BICRA: variants seen among roughly 807,000 people sequenced by gnomAD.
BICRA encodes the protein BRD4 interacting chromatin remodeling complex associated protein.
In BICRA, 31 loss-of-function variants were observed where a neutral mutation model predicts 96.9. That is an observed-to-expected ratio of 0.32 (90% confidence interval 0.24 to 0.43). The LOEUF is 0.43. BICRA is among the 20% of genes least tolerant of loss of function. The probability of loss-of-function intolerance (pLI) is 1.00; values close to 1 mark genes in which losing one functional copy is unlikely to be tolerated. For synonymous variants in BICRA, 1,350 were observed against 1,071.8 expected (o/e 1.26, Z -5.07); for missense variants, 2,283 against 2,190.3 (o/e 1.04, Z -0.84).
intron 1 of BICRA, among the ~76,000 whole-genome samples, chr19:47,612,738 G>C (rs1361548666): frequency 1.3e-5 from 2 of 152,118 alleles, no homozygotes; most frequent in African/African-American, 2.4e-5. Flanking sequence ...GAGGCCAGGG[G>C]AAGCATGTTC....
chr19:47,699,255 C>A lies in BICRA; in HGVS notation c.3493-48C>A. 8.9e-7 allele frequency: 1 copy of A among 1,117,368 alleles called. No homozygotes were observed. Among genetic ancestry groups the A allele is most frequent in the Non-Finnish European group, 1.3e-6 (1 of 750,532 alleles). 69.2% of individuals were successfully genotyped at this position (1,117,368 alleles called of 1,614,324 possible). On this transcript the variant is annotated intron_variant, in intron 13 of 14. Coordinates refer to ENST00000594866, the MANE Select transcript of BICRA (RefSeq NM_001394372.1). This position sits in a 1 kb window ranked among gnomAD's most constrained non-coding sequence, Gnocchi z 5.0. The stretch of plus-strand genomic sequence containing the variant: ...ATCGTCCCCGTCGCTCGCGCCCCTT[C>A]CCCCTTCTTGCTGGTTCACTCGCAC...
intron 1 of BICRA, among the ~76,000 whole-genome samples, chr19:47,659,493 G>T (rs10518277): frequency 6.6e-6 from 1 of 152,004 alleles, no homozygotes. Flanking sequence ...TGCTTTGTCC[G>T]AGAGGGCATG....
chr19:47,699,185 G>T lies in BICRA; in HGVS notation c.3493-118G>T. 4.5e-6 allele frequency: 4 copies of T among 893,798 alleles called. No individual in the cohort carries two copies. Among genetic ancestry groups the T allele is most frequent in the Non-Finnish European group, 7.2e-6 (4 of 553,270 alleles). The allele number at this position is 893,798 out of a possible 1,614,324, so 55.4% of individuals were successfully genotyped here. ...CTAGCCCCGGGAGGGAGGTTGGGAG[G>T]GAGGCGGGAGCTCCCATCACAAGGA... On this transcript the variant is annotated intron_variant, in intron 13 of 14. Coordinates refer to ENST00000594866, the MANE Select transcript of BICRA (RefSeq NM_001394372.1). The surrounding 1 kb of genome is among the most constrained non-coding windows in gnomAD (Gnocchi z 5.0).
chr19:47,670,758 C>T (rs1972850521), intron 2 of BICRA, among the ~76,000 whole-genome samples: 1 of 152,246 alleles, frequency 6.6e-6, no homozygotes, highest in African/African-American at 2.4e-5. Flanking sequence ...CAAAATCTTT[C>T]TCTCTGCCCC....
intron 1 of BICRA, among the ~76,000 whole-genome samples, chr19:47,654,358 T>C (rs184801928): frequency 6.6e-6 from 1 of 152,128 alleles, no homozygotes; most frequent in African/African-American, 2.4e-5. Context: ...TTCCCCTGTT[T>C]AGAGAAACTG....
chr19:47,699,405 GGTGAGAGGGGGGA>G lies in BICRA; in HGVS notation c.3595+11_3595+23del, dbSNP rs1385924474. The G allele has an allele frequency of 8.5e-6, 13 of 1,526,970 alleles. No individual in the cohort carries two copies. The highest frequency in any genetic ancestry group is 1.7e-4 in the Middle Eastern group (1 of 5,974). The allele number at this position is 1,526,970 out of a possible 1,614,324, so 94.6% of individuals were successfully genotyped here. A position where few individuals can be genotyped will look rare whatever the true frequency, so the allele number is the denominator to read the frequency against. ...TAAACAGCTGGCCAAGGAGAAGCCGGGTGAGAGGGGGGAGTGAGAGGGGAGGGGAGGGAGAGGT... is the reference window on the plus strand; with the variant it reads ...TAAACAGCTGGCCAAGGAGAAGCCGGGTGAGAGGGGAGGGGAGGGAGAGGT... On this transcript the variant is annotated splice_donor_variant and splice_donor_5th_base_variant and intron_variant, in intron 14 of 14. Coordinates refer to ENST00000594866, the MANE Select transcript of BICRA (RefSeq NM_001394372.1). LOFTEE classifies it high-confidence loss of function. The surrounding 1 kb of genome is among the most constrained non-coding windows in gnomAD (Gnocchi z 5.0).
intron 1 of BICRA, among the ~76,000 whole-genome samples, chr19:47,621,776 A>G (rs1237718932): frequency 6.7e-6 from 1 of 148,424 alleles, no homozygotes; most frequent in Non-Finnish European, 1.5e-5. Context: ...GCCTGAATTG[A>G]GAGACTTCTT....
intron 2 of BICRA, among the ~76,000 whole-genome samples, chr19:47,671,746 AGATG>A (rs1238119066): frequency 3.2e-5 from 4 of 124,940 alleles, no homozygotes; most frequent in African/African-American, 9.4e-5. Flanking sequence ...ATGGGTAGGT[AGATG>A]GATGGAAGGA....
chr19:47,669,990 C>T (rs924447009), intron 1 of BICRA, among the ~76,000 whole-genome samples: 7 of 150,266 alleles, frequency 4.7e-5, no homozygotes, highest in Non-Finnish European at 8.9e-5. Context: ...GTCTCACTGT[C>T]GCCCAGGCTG....
At chr19:47,665,752 G>C (rs573479800) in intron 1 of BICRA, among the ~76,000 whole-genome samples, 1 of 152,176 alleles carries the variant, frequency 6.6e-6, no homozygotes, top group Non-Finnish European at 1.5e-5. Context: ...TGCAGGTGCC[G>C]CAGCGCCCCC....
At chr19:47,681,419 C>T (rs1334339338) in intron 6 of BICRA, 143 bp downstream of exon 6, 1 of 767,222 alleles carries the variant, frequency 1.3e-6, no homozygotes, top group Non-Finnish European at 2.1e-6. Flanking sequence ...GCACAGGTGG[C>T]CCCTAAGAGG....
chr19:47,619,670 G>A (rs1409741799), intron 1 of BICRA, among the ~76,000 whole-genome samples: 1 of 152,130 alleles, frequency 6.6e-6, no homozygotes, highest in Admixed American at 6.6e-5. Context: ...GGGCGAGGTG[G>A]GAGGATCACT....
chr19:47,695,195 C>T, intron 9 of BICRA, 115 bp downstream of exon 9: 1 of 834,062 alleles, frequency 1.2e-6, no homozygotes, highest in Non-Finnish European at 1.9e-6. Flanking sequence ...AGGGCATCAG[C>T]CAGAACTCAA....
At chr19:47,627,026 C>G (rs1374475983) in intron 1 of BICRA, among the ~76,000 whole-genome samples, 2 of 151,930 alleles carry the variant, frequency 1.3e-5, no homozygotes, top group Non-Finnish European at 2.9e-5. Context: ...TTGGTCCACC[C>G]TGGGTTTTTA....
chr19:47,675,810 C>G lies in BICRA; in HGVS notation c.85-41C>G. 1.3e-6 allele frequency: 2 copies of G among 1,526,216 alleles called. No individual in the cohort carries two copies. The highest frequency in any genetic ancestry group is 1.8e-6 in the Non-Finnish European group (2 of 1,107,506). The allele number at this position is 1,526,216 out of a possible 1,614,324, so 94.5% of individuals were successfully genotyped here. The stretch of plus-strand genomic sequence containing the variant: ...TTCTGCTCCAGAGCATGGGCCTGCC[C>G]TGCTGACTTTTGACCTTGGATGGGG... On this transcript the variant is annotated intron_variant, in intron 4 of 14. Transcript: ENST00000594866. This position sits in a 1 kb window ranked among gnomAD's most constrained non-coding sequence, Gnocchi z 4.7.
rs900086838 is a variant in BICRA, at chr19:47,645,203, C to T, written c.-107-25240C>T. Among the ~76,000 whole-genome samples, 8 of 152,208 alleles carry T rather than the reference C, an allele frequency of 5.3e-5. No individual in the cohort carries two copies. In the South Asian group the frequency reaches 8.3e-4, roughly 16 times the overall value. On this transcript the variant is annotated intron_variant, in intron 1 of 14. Coordinates refer to ENST00000594866, the MANE Select transcript of BICRA (RefSeq NM_001394372.1). ...TTACTTGTCTGGTCTCTTTCAGTCC[C>T]TTCATTCTGGAGGGTTTCCTCAGCC...
rs200856502 is a variant in BICRA, at chr19:47,694,544, G to A, written c.2713G>A (p.Asp905Asn). 2,434 of 1,534,498 alleles carry A rather than the reference G, an allele frequency of 1.6e-3. 1 individual carries two copies. Among genetic ancestry groups the A allele is most frequent in the Non-Finnish European group, 2.0e-3 (2,255 of 1,135,082 alleles). ...CAGGTTGCCAGCCCCTACGCCATCC[G>A]ACTTCCAGCTCCAGTTCCCACCCAG... Reference protein sequence around the residue: ...SSRLPAPTPSDFQLQFPPSQG... With the variant: ...SSRLPAPTPSNFQLQFPPSQG... The change falls in exon 8 of 15, where the codon GAC (aspartate) becomes AAC (asparagine). Residue 905 changes from aspartate to asparagine, a missense_variant. Asp to Asn is a conservative substitution (Grantham distance 23). Transcript: ENST00000594866.
chr19:47,638,119 T>G (rs1283401995), intron 1 of BICRA, among the ~76,000 whole-genome samples: 4 of 151,970 alleles, frequency 2.6e-5, no homozygotes, highest in Admixed American at 2.6e-4. Context: ...TCTTCCCTCC[T>G]CCTCCTGCTC....
rs533952790 is a variant in BICRA at position 47,643,520 on chromosome 19, C to T, written c.-107-26923C>T. Among the ~76,000 whole-genome samples the T allele has an allele frequency of 1.2e-4, 19 of 152,222 alleles. No individual in the cohort carries two copies. In the South Asian group the frequency reaches 1.7e-3, roughly 13 times the overall value. On this transcript the variant is annotated intron_variant, in intron 1 of 14. Transcript: ENST00000594866. ...TCCCTTCTCACGGCGGGGCTGCTCA[C>T]GGTGCTGTCCCTGGGGTCCCTGGCA...
Sources: gnomAD v4.1 joint callset for allele counts (sites outside exome capture counted in the v4.1 genomes callset) on GRCh38, gnomAD v4.1.1 for gene constraint, Gnocchi (gnomAD v3.1) non-coding constraint, MANE v1.5 for transcripts, NCBI Gene and HGNC (gene_info 2026-07-23, HGNC 2026-07-21) for gene names.